Variants in KAZN observed in about 807,000 individuals in gnomAD.
The protein encoded by KAZN is kazrin, periplakin interacting protein, also known as kazrin.
Under a neutral mutation model 87.4 loss-of-function variants are expected in KAZN, and 40 were observed. The observed-to-expected ratio is 0.46, with a 90% CI of 0.36 to 0.60. KAZN has a LOEUF of 0.60. Among genes scored for constraint, KAZN ranks in the 20% least tolerant of loss-of-function variants. The pLI is 0.00. For synonymous variants in KAZN, 466 were observed against 458.3 expected, an observed-to-expected ratio of 1.02 and a Z score of -0.22; for missense variants, 898 against 1,073.9, an observed-to-expected ratio of 0.84 and a Z score of 2.29.
intron 2 of KAZN, among the ~76,000 whole-genome samples, chr1:14,203,656 A>G (rs1024914624): frequency 7.2e-5 from 11 of 152,208 alleles, no homozygotes; most frequent in African/African-American, 2.7e-4. Flanking sequence ...GGCCTTCACT[A>G]AAAACAAAAT....
chr1:14,399,024 G>T (rs966176172), intron 2 of KAZN, among the ~76,000 whole-genome samples: 2 of 152,072 alleles, frequency 1.3e-5, no homozygotes, highest in Non-Finnish European at 2.9e-5. Context: ...AATTTTGGAG[G>T]GGGGGATTTT....
chr1:14,281,967 C>A (rs1037121282), intron 2 of KAZN, among the ~76,000 whole-genome samples: 1 of 152,062 alleles, frequency 6.6e-6, no homozygotes, highest in African/African-American at 2.4e-5. Context: ...TTCCAATATC[C>A]CAGCCCCCCA....
intron 2 of KAZN, among the ~76,000 whole-genome samples, chr1:14,397,983 T>G (rs968087361): frequency 1.3e-5 from 2 of 150,480 alleles, no homozygotes; most frequent in African/African-American, 4.9e-5. Flanking sequence ...CCAAAATACC[T>G]CAGTTAAGGT....
rs533402600 is a variant in KAZN, at chr1:14,903,968, G to T, written c.227-56716G>T. On this transcript the variant is annotated intron_variant, in intron 1 of 14. Coordinates refer to ENST00000376030, the MANE Select transcript of KAZN (RefSeq NM_201628.3). ...GGCCAGACAGCGAGGGCAGCATTCT[G>T]TCTTAATCTCCCCTTGCTTCCAGTG... 8.7e-4 allele frequency among the ~76,000 whole-genome samples: 133 copies of T among 152,298 alleles called. 1 individual carries two copies. The highest frequency in any genetic ancestry group is 1.5e-3 in the Non-Finnish European group (103 of 68,030).
intron 2 of KAZN, among the ~76,000 whole-genome samples, chr1:14,414,456 AAC>A (rs1403980688): frequency 4.6e-5 from 7 of 152,318 alleles, no homozygotes; most frequent in Non-Finnish European, 1.0e-4. Context: ...AATGTCATAC[AAC>A]AGTTAAAATG....
chr1:14,922,661 G>A (rs537842127), intron 1 of KAZN, among the ~76,000 whole-genome samples: 17 of 152,042 alleles, frequency 1.1e-4, no homozygotes, highest in African/African-American at 3.9e-4. Context: ...GCATGGTGGC[G>A]GGCACCTGTA....
chr1:14,023,715 G>A (rs551261573), intron 1 of KAZN, among the ~76,000 whole-genome samples: 5 of 152,324 alleles, frequency 3.3e-5, no homozygotes, highest in Non-Finnish European at 5.9e-5. Context: ...TTAATAAGCA[G>A]TAGGAGGTAG....
intron 1 of KAZN, among the ~76,000 whole-genome samples, chr1:13,986,327 G>T (rs963991745): frequency 1.3e-5 from 2 of 152,186 alleles, no homozygotes; most frequent in African/African-American, 4.8e-5. Context: ...GGTTTGATGA[G>T]ATTGGGGTAA....
At chr1:13,894,089 TGTGG>T (rs1256609168) in intron 1 of KAZN, among the ~76,000 whole-genome samples, 17 of 152,208 alleles carry the variant, frequency 1.1e-4, no homozygotes, top group Non-Finnish European at 2.5e-4. Flanking sequence ...GATGCCATGC[TGTGG>T]CCATCTTTTG....
intron 1 of KAZN, among the ~76,000 whole-genome samples, chr1:13,902,841 G>C (rs1639297852): frequency 6.6e-6 from 1 of 152,178 alleles, no homozygotes; most frequent in Admixed American, 6.5e-5. Context: ...AAATACATAA[G>C]TAAATAAATT....
At chr1:14,514,090 G>A (rs1671069856) in intron 2 of KAZN, among the ~76,000 whole-genome samples, 1 of 150,068 alleles carries the variant, frequency 6.7e-6, no homozygotes, top group South Asian at 2.1e-4. Context: ...GGAGGCCGAG[G>A]CAGGTGGATC....
At chr1:14,175,198 G>A (rs898876961) in intron 1 of KAZN, among the ~76,000 whole-genome samples, 2 of 152,178 alleles carry the variant, frequency 1.3e-5, no homozygotes, top group African/African-American at 4.8e-5. Flanking sequence ...CCGCCTCCCG[G>A]GTTCACCCCA....
intron 8 of KAZN, among the ~76,000 whole-genome samples, chr1:15,072,680 T>A (rs747237012): frequency 9.9e-5 from 15 of 152,194 alleles, no homozygotes; most frequent in Non-Finnish European, 2.1e-4. Flanking sequence ...AGTTTACAGA[T>A]GAACAAACCA....
Position 14,492,777 on chromosome 1 carries a change from C to T in KAZN, c.250-106206C>T, listed in dbSNP as rs531980807. 1.0e-3 allele frequency among the ~76,000 whole-genome samples: 143 copies of T among 141,630 alleles called. 1 individual carries two copies. Among genetic ancestry groups the T allele is most frequent in the Non-Finnish European group, 1.6e-3 (104 of 64,746 alleles). The allele number at this position is 141,630 out of a possible 152,430, so 92.9% of individuals were successfully genotyped here. A position where few individuals can be genotyped will look rare whatever the true frequency, so the allele number is the denominator to read the frequency against. On this transcript the variant is annotated intron_variant, in intron 2 of 16. Transcript: ENST00000636203. ...GTGCACACACATCACACACACCACA[C>T]GTGCACACACATCACACATATGCAC...
At chr1:14,469,026 A>T (rs1668309582) in intron 2 of KAZN, among the ~76,000 whole-genome samples, 1 of 152,188 alleles carries the variant, frequency 6.6e-6, no homozygotes, top group Non-Finnish European at 1.5e-5. Context: ...TCGTTGGCAG[A>T]GGCTGACAAC....
intron 2 of KAZN, among the ~76,000 whole-genome samples, chr1:14,536,879 T>C (rs527859232): frequency 6.6e-6 from 1 of 151,652 alleles, no homozygotes; most frequent in East Asian, 1.9e-4. Context: ...CGAAACTCCG[T>C]CTCAAAAAAA....
At position 15,081,387 on chromosome 1, in the gene KAZN, G is replaced by C. The variant is rs1456345649; in HGVS notation, c.1223-12793G>C. Among the ~76,000 whole-genome samples, 1 of 152,218 alleles carries C rather than the reference G, an allele frequency of 6.6e-6. No homozygotes were observed. The highest frequency in any genetic ancestry group is 1.5e-5 in the Non-Finnish European group (1 of 68,044). Reference sequence around the variant, plus strand: ...ATATAAGAGCCGGTTGTTAAACGTGGTTGGGCCCTTGCTAGGGACTAGAGA... The same window carrying C: ...ATATAAGAGCCGGTTGTTAAACGTGCTTGGGCCCTTGCTAGGGACTAGAGA... On this transcript the variant is annotated intron_variant, in intron 8 of 14. Coordinates refer to ENST00000376030, the MANE Select transcript of KAZN (RefSeq NM_201628.3). This position sits in a 1 kb window ranked among gnomAD's most constrained non-coding sequence, Gnocchi z 4.1.
intron 2 of KAZN, among the ~76,000 whole-genome samples, chr1:15,001,966 C>T (rs1268894729): frequency 3.3e-5 from 5 of 149,976 alleles, no homozygotes; most frequent in Admixed American, 6.7e-5. Flanking sequence ...CTGCAAGCTC[C>T]GCCTCCTGGG....
At chr1:14,367,443 G>A (rs1660102588) in intron 2 of KAZN, among the ~76,000 whole-genome samples, 1 of 152,062 alleles carries the variant, frequency 6.6e-6, no homozygotes, top group South Asian at 2.1e-4. Flanking sequence ...ATGGAGCCTG[G>A]GGTTTTTATG....
Sources: allele counts gnomAD v4.1 joint callset (sites outside exome capture counted in the v4.1 genomes callset), GRCh38; gene constraint gnomAD v4.1.1; non-coding constraint Gnocchi (gnomAD v3.1); transcripts MANE v1.5; gene names NCBI Gene and HGNC (gene_info 2026-07-23, HGNC 2026-07-21).